Variants in PDE11A observed in about 807,000 individuals in gnomAD.
The protein encoded by PDE11A is phosphodiesterase 11A.
Under a neutral mutation model 100.5 loss-of-function variants are expected in PDE11A, and 100 were observed. That is an observed-to-expected ratio of 1.00 (90% CI 0.85 to 1.18). The LOEUF is 1.18. PDE11A is among the 50% of genes most tolerant of loss of function. The probability of loss-of-function intolerance (pLI) is 0.00; values close to 1 mark genes in which losing one functional copy is unlikely to be tolerated. For missense variants in PDE11A, 1,141 were observed against 1,152.6 expected (o/e 0.99, Z 0.15); for synonymous variants, 381 against 420.8 (o/e 0.91, Z 1.16).
intron 2 of PDE11A, among the ~76,000 whole-genome samples, chr2:178,005,638 G>A (rs990626692): frequency 2.0e-5 from 3 of 152,146 alleles, no homozygotes; most frequent in African/African-American, 4.8e-5. Flanking sequence ...ATTTGGAACC[G>A]TGTCTCAAAC....
At chr2:177,928,036 G>A (rs10182833) in intron 2 of PDE11A, among the ~76,000 whole-genome samples, 12,868 of 150,492 alleles carry the variant, frequency 0.086, 497 homozygotes, top group South Asian at 0.099. Context: ...CCTGGGAAGT[G>A]GAGGTTGTGG....
At chr2:177,643,876 G>A (rs778818639) in intron 19 of PDE11A, among the ~76,000 whole-genome samples, 10 of 152,248 alleles carry the variant, frequency 6.6e-5, no homozygotes, top group Non-Finnish European at 1.3e-4. Context: ...GTACAGCTTG[G>A]ACAGTGGCTT....
chr2:177,742,733 G>T (rs73030327), intron 10 of PDE11A, among the ~76,000 whole-genome samples: 8,155 of 152,298 alleles, frequency 0.054, 229 homozygotes, highest in Middle Eastern at 0.15. Context: ...GGACAGATGT[G>T]AAAGGGGACT....
intron 5 of PDE11A, among the ~76,000 whole-genome samples, chr2:177,849,274 A>G (rs530930892): frequency 2.6e-5 from 4 of 152,306 alleles, no homozygotes; most frequent in African/African-American, 9.6e-5. Flanking sequence ...CACAATAGTG[A>G]TACTGAATTG....
chr2:177,751,044 C>A (rs1295793564), intron 10 of PDE11A, among the ~76,000 whole-genome samples: 1 of 151,966 alleles, frequency 6.6e-6, no homozygotes, highest in East Asian at 1.9e-4. Context: ...TAATGTCCAG[C>A]CAGAGCTGAG....
At chr2:177,943,176 T>C (rs1379908073) in intron 2 of PDE11A, among the ~76,000 whole-genome samples, 1 of 152,242 alleles carries the variant, frequency 6.6e-6, no homozygotes, top group Non-Finnish European at 1.5e-5. Context: ...AATGCTGCCA[T>C]AAACATGGGT....
At chr2:177,769,212 C>A (rs2082277587) in intron 10 of PDE11A, 111 bp downstream of exon 10, 4 of 775,986 alleles carry the variant, frequency 5.2e-6, no homozygotes, top group South Asian at 4.2e-5. Context: ...CAGTGCTAGT[C>A]CTCCAGCTCC....
At chr2:177,848,668 C>T (rs989819651) in intron 5 of PDE11A, among the ~76,000 whole-genome samples, 3 of 151,998 alleles carry the variant, frequency 2.0e-5, no homozygotes, top group Admixed American at 6.6e-5. Context: ...ACAGAAAACA[C>T]GTAATTCCTG....
chr2:177,784,822 T>C (rs553113068), intron 9 of PDE11A, among the ~76,000 whole-genome samples: 1 of 152,348 alleles, frequency 6.6e-6, no homozygotes, highest in African/African-American at 2.4e-5. Flanking sequence ...TCAACTCTAC[T>C]ACATAGTTTT....
At chr2:177,897,920 G>A (rs2084634503) in intron 4 of PDE11A, 138 bp downstream of exon 4, 1 of 715,252 alleles carries the variant, frequency 1.4e-6, no homozygotes. Flanking sequence ...TAAAAAACTT[G>A]TTTGATGAAA....
At chr2:177,819,902 G>A (rs372824509) in intron 7 of PDE11A, among the ~76,000 whole-genome samples, 1 of 90,010 alleles carries the variant, frequency 1.1e-5, no homozygotes, top group Non-Finnish European at 2.3e-5. Flanking sequence ...CTCTGTCTCT[G>A]TCTCTCTCTG....
chr2:177,849,125 C>A (rs1427134683), intron 5 of PDE11A, among the ~76,000 whole-genome samples: 2 of 152,120 alleles, frequency 1.3e-5, no homozygotes, highest in South Asian at 4.1e-4. Context: ...ATTAAGCGAA[C>A]AATAAGGATC....
chr2:177,689,178 G>A (rs62182972), intron 15 of PDE11A, among the ~76,000 whole-genome samples: 11,676 of 152,158 alleles, frequency 0.077, 577 homozygotes, highest in Non-Finnish European at 0.12. Context: ...CTCCTCTCGG[G>A]TTCAAGAGAT....
At chr2:177,989,221 C>G (rs1039479805) in intron 2 of PDE11A, among the ~76,000 whole-genome samples, 1 of 152,162 alleles carries the variant, frequency 6.6e-6, no homozygotes, top group Non-Finnish European at 1.5e-5. Flanking sequence ...TATGAGCAAT[C>G]TACTCTTTTT....
At chr2:177,747,317 AT>A (rs1387229209) in intron 10 of PDE11A, among the ~76,000 whole-genome samples, 3 of 152,126 alleles carry the variant, frequency 2.0e-5, no homozygotes, top group African/African-American at 7.2e-5. Flanking sequence ...CTGTTTCTAA[AT>A]TCACCCCACC....
intron 19 of PDE11A, among the ~76,000 whole-genome samples, chr2:177,645,585 C>T (rs2080212885): frequency 6.6e-6 from 1 of 152,188 alleles, no homozygotes; most frequent in Non-Finnish European, 1.5e-5. Flanking sequence ...TTACTAGGAG[C>T]TAAATATAAT....
intron 1 of PDE11A, among the ~76,000 whole-genome samples, chr2:178,031,113 ACT>A (rs1326604360): frequency 6.6e-6 from 1 of 152,092 alleles, no homozygotes; most frequent in Non-Finnish European, 1.5e-5. Context: ...AGTTAATAAA[ACT>A]CTGCATTCTC....
At chr2:177,634,480 C>A (rs1284594853) in intron 19 of PDE11A, among the ~76,000 whole-genome samples, 2 of 151,746 alleles carry the variant, frequency 1.3e-5, no homozygotes, top group Admixed American at 1.3e-4. Flanking sequence ...GCTCCGCCTC[C>A]CTGGTTCAAG....
intron 5 of PDE11A, among the ~76,000 whole-genome samples, chr2:177,858,383 A>G (rs1423533260): frequency 6.7e-6 from 1 of 150,206 alleles, no homozygotes; most frequent in Admixed American, 6.7e-5. Flanking sequence ...TCTACAATTA[A>G]CTCAAACAAA....
Sources: gnomAD v4.1 joint callset for allele counts (sites outside exome capture counted in the v4.1 genomes callset) on GRCh38, gnomAD v4.1.1 for gene constraint, MANE v1.5 for transcripts, NCBI Gene and HGNC (gene_info 2026-07-23, HGNC 2026-07-21) for gene names.